The following VAV3 variants were observed in gnomAD, a reference collection of about 807,000 sequenced individuals.
VAV3 encodes vav guanine nucleotide exchange factor 3.
VAV3 carries 94 observed loss-of-function variants against 131.2 expected under a neutral mutation model. The ratio of observed to expected loss-of-function variants is 0.72; its 90% CI spans 0.61 to 0.85. VAV3 has a LOEUF of 0.85. VAV3 is among the 40% of genes least tolerant of loss of function. The pLI, the probability that VAV3 is intolerant of heterozygous loss-of-function variation, is 0.00. For missense variants in VAV3, 939 were observed against 1,002.7 expected, an observed-to-expected ratio of 0.94 and a Z score of 0.86; for synonymous variants, 349 against 342.0, an observed-to-expected ratio of 1.02 and a Z score of -0.22.
chr1:107,781,289 A>C (rs975899684), intron 2 of VAV3, among the ~76,000 whole-genome samples: 36 of 152,248 alleles, frequency 2.4e-4, no homozygotes, highest in African/African-American at 8.4e-4. Flanking sequence ...AATTTTTATT[A>C]TCATGTAAAA....
intron 17 of VAV3, among the ~76,000 whole-genome samples, chr1:107,691,291 C>CT (rs1206000068): frequency 2.0e-5 from 3 of 151,992 alleles, no homozygotes; most frequent in Non-Finnish European, 4.4e-5. Context: ...AATAAGAAAC[C>CT]TTTTTGTATG....
intron 11 of VAV3, among the ~76,000 whole-genome samples, chr1:107,756,725 G>A (rs1259317292): frequency 4.6e-5 from 7 of 151,658 alleles, no homozygotes; most frequent in Middle Eastern, 3.2e-3. Flanking sequence ...CATAATTTTC[G>A]TATTTTCCTG....
chr1:107,666,594 G>A (rs1057350654), intron 19 of VAV3, among the ~76,000 whole-genome samples: 21 of 144,020 alleles, frequency 1.5e-4, no homozygotes, highest in East Asian at 1.2e-3. Flanking sequence ...TTTTTGAGAC[G>A]GAGTCTCACT....
At chr1:107,860,318 A>G (rs2100982171) in intron 2 of VAV3, among the ~76,000 whole-genome samples, 1 of 152,270 alleles carries the variant, frequency 6.6e-6, no homozygotes, top group South Asian at 2.1e-4. Flanking sequence ...GACAGAAATG[A>G]TAATTTTTCA....
At chr1:107,842,672 A>G (rs752136499) in intron 2 of VAV3, among the ~76,000 whole-genome samples, 2 of 151,926 alleles carry the variant, frequency 1.3e-5, no homozygotes, top group Non-Finnish European at 2.9e-5. Flanking sequence ...GTTAATTTGA[A>G]GTTTGGGTGT....
chr1:107,769,797 G>C (rs964024991), intron 6 of VAV3, among the ~76,000 whole-genome samples: 2 of 151,976 alleles, frequency 1.3e-5, no homozygotes, highest in African/African-American at 4.8e-5. Flanking sequence ...AGTCATCCTT[G>C]ACTCCTCTCT....
intron 20 of VAV3, among the ~76,000 whole-genome samples, chr1:107,634,158 T>C (rs1654724349): frequency 6.6e-6 from 1 of 152,032 alleles, no homozygotes; most frequent in African/African-American, 2.4e-5. Flanking sequence ...GAGCCTGCAT[T>C]GCCAAGTCAA....
intron 1 of VAV3, among the ~76,000 whole-genome samples, chr1:107,926,662 T>C (rs192006016): frequency 6.6e-6 from 1 of 152,128 alleles, no homozygotes; most frequent in African/African-American, 2.4e-5. Context: ...GCGCGAGGCA[T>C]TGCATTTAAC....
In VAV3 at chr1:107,886,249, T is replaced by A. The variant is rs12074975; in HGVS notation, c.205-11232A>T. Among the ~76,000 whole-genome samples, 628 of 152,344 alleles carry A rather than the reference T, an allele frequency of 4.1e-3. 5 individuals are homozygous for A. Among genetic ancestry groups the A allele is most frequent in the African/African-American group, 0.014 (590 of 41,570 alleles). On this transcript the variant is annotated intron_variant, in intron 1 of 26. Transcript: ENST00000370056. ...GAACTTGCCATGGAGTATCTCAGTT[T>A]ATACACATAACCCGATGAAGAAGAT... is the stretch of plus-strand genomic sequence containing the variant.
intron 3 of VAV3, among the ~76,000 whole-genome samples, chr1:107,779,176 A>AG (rs1452642300): frequency 6.6e-6 from 1 of 152,000 alleles, no homozygotes; most frequent in Admixed American, 6.5e-5. Flanking sequence ...GTTAAAAAAA[A>AG]AAAAAAAGAA....
intron 8 of VAV3, 86 bp from the exon 9 acceptor site, chr1:107,765,261 A>C: frequency 9.4e-7 from 1 of 1,061,354 alleles, no homozygotes; most frequent in Non-Finnish European, 1.4e-6. Context: ...TCATCTCTTT[A>C]AAACCATTGT....
At chr1:107,781,940 T>C (rs751696311) in intron 2 of VAV3, among the ~76,000 whole-genome samples, 1 of 152,210 alleles carries the variant, frequency 6.6e-6, no homozygotes, top group Non-Finnish European at 1.5e-5. Context: ...CTTGCTAAAA[T>C]ACCAAAATTA....
At chr1:107,813,967 A>AGTGTGTGTGTGT (rs58318688) in intron 2 of VAV3, among the ~76,000 whole-genome samples, 1,519 of 135,828 alleles carry the variant, frequency 0.011, 17 homozygotes, top group Non-Finnish European at 0.014. Context: ...ATAGTACTCC[A>AGTGTGTGTGTGT]GTGTGTGTGT....
chr1:107,752,316 C>T (rs1663785650), intron 12 of VAV3, among the ~76,000 whole-genome samples: 1 of 152,172 alleles, frequency 6.6e-6, no homozygotes, highest in Non-Finnish European at 1.5e-5. Flanking sequence ...CCCTTCATTA[C>T]CTTACACCAT....
intron 19 of VAV3, among the ~76,000 whole-genome samples, 166 bp downstream of exon 19, chr1:107,683,322 T>G (rs556778929): frequency 3.9e-5 from 6 of 152,292 alleles, no homozygotes; most frequent in African/African-American, 1.4e-4. Context: ...TAGTTACTCA[T>G]GTGAATGATT....
intron 2 of VAV3, among the ~76,000 whole-genome samples, chr1:107,816,629 G>T (rs141301497): frequency 6.6e-6 from 1 of 152,108 alleles, no homozygotes; most frequent in African/African-American, 2.4e-5. Flanking sequence ...CTTGTCTCTT[G>T]ACTCATTTAT....
At chr1:107,744,051 A>C (rs1349086532) in intron 15 of VAV3, among the ~76,000 whole-genome samples, 1 of 152,246 alleles carries the variant, frequency 6.6e-6, no homozygotes, top group African/African-American at 2.4e-5. Flanking sequence ...CTCCATCCCA[A>C]CAGTGAAGGT....
chr1:107,731,008 C>T (rs752607647), intron 15 of VAV3, among the ~76,000 whole-genome samples: 2 of 152,094 alleles, frequency 1.3e-5, no homozygotes, highest in South Asian at 2.1e-4. Flanking sequence ...GCTACCTCAC[C>T]AGACTCTTTA....
At chr1:107,588,902 C>T (rs1237441622) in intron 25 of VAV3, among the ~76,000 whole-genome samples, 3 of 152,142 alleles carry the variant, frequency 2.0e-5, no homozygotes, top group Non-Finnish European at 4.4e-5. Context: ...GACAAATGGT[C>T]ATTCAAGTAT....
Sources: allele counts gnomAD v4.1 joint callset (sites outside exome capture counted in the v4.1 genomes callset), GRCh38; gene constraint gnomAD v4.1.1; transcripts MANE v1.5; gene names NCBI Gene and HGNC (gene_info 2026-07-23, HGNC 2026-07-21).